Variants in PRKCE observed in about 807,000 individuals in gnomAD.
The protein encoded by PRKCE is protein kinase C epsilon type.
PRKCE carries 16 observed loss-of-function variants against 85.4 expected under a neutral mutation model. The observed-to-expected ratio is 0.19, with a 90% CI of 0.13 to 0.28. The LOEUF (loss-of-function observed/expected upper bound fraction) is 0.28, where lower values mean the gene tolerates loss of function less well. PRKCE is among the 10% of genes least tolerant of loss of function. The pLI is 1.00. For missense variants in PRKCE, 573 were observed against 975.2 expected (o/e 0.59, Z 5.49); for synonymous variants, 388 against 371.5 (o/e 1.04, Z -0.51).
intron 2 of PRKCE, among the ~76,000 whole-genome samples, chr2:45,884,952 T>C (rs1171489681): frequency 3.2e-5 from 3 of 93,780 alleles, no homozygotes; most frequent in African/African-American, 4.3e-5. Flanking sequence ...TTATATGTGA[T>C]CCATATATAT....
At chr2:45,659,154 A>G (rs1370032156) in intron 1 of PRKCE, among the ~76,000 whole-genome samples, 2 of 152,166 alleles carry the variant, frequency 1.3e-5, no homozygotes, top group Non-Finnish European at 2.9e-5. Flanking sequence ...TTCATTGTGT[A>G]AAGGGCATCT....
chr2:46,112,711 G>A (rs377360397), intron 11 of PRKCE, among the ~76,000 whole-genome samples: 123 of 152,020 alleles, frequency 8.1e-4, no homozygotes, highest in African/African-American at 2.9e-3. Flanking sequence ...GTAGAGACAG[G>A]GTTTCACCAT....
chr2:45,973,155 G>A (rs930406753), intron 2 of PRKCE, among the ~76,000 whole-genome samples: 1 of 152,234 alleles, frequency 6.6e-6, no homozygotes, highest in African/African-American at 2.4e-5. Context: ...GGGAAATGCT[G>A]AAGGGATCCG....
At chr2:45,835,111 A>T (rs553909826) in intron 1 of PRKCE, among the ~76,000 whole-genome samples, 2 of 152,380 alleles carry the variant, frequency 1.3e-5, no homozygotes, top group East Asian at 3.9e-4. Flanking sequence ...GTTGTTTCAC[A>T]GATGTGCTGT....
chr2:45,965,875 C>A (rs1701697215), intron 2 of PRKCE, among the ~76,000 whole-genome samples: 1 of 152,022 alleles, frequency 6.6e-6, no homozygotes, highest in Non-Finnish European at 1.5e-5. Flanking sequence ...GTGGGCTTAG[C>A]ATAGCTGCTT....
At chr2:45,942,296 T>G (rs1340694389) in intron 2 of PRKCE, among the ~76,000 whole-genome samples, 1 of 152,150 alleles carries the variant, frequency 6.6e-6, no homozygotes, top group Non-Finnish European at 1.5e-5. Context: ...CTTATCTGGG[T>G]GCACCCTGAA....
At chr2:46,002,672 T>A (rs1381762994) in intron 7 of PRKCE, among the ~76,000 whole-genome samples, 1 of 152,240 alleles carries the variant, frequency 6.6e-6, no homozygotes, top group Non-Finnish European at 1.5e-5. Flanking sequence ...GTGGCTCTTC[T>A]CAGCTTTGTA....
intron 10 of PRKCE, among the ~76,000 whole-genome samples, chr2:46,081,649 G>A (rs762094818): frequency 7.2e-5 from 11 of 152,200 alleles, no homozygotes; most frequent in African/African-American, 2.4e-4. Context: ...AGAAGAAAAC[G>A]TTCCAGGCAG....
chr2:45,857,526 G>T (rs1692774017), intron 2 of PRKCE, among the ~76,000 whole-genome samples: 1 of 152,114 alleles, frequency 6.6e-6, no homozygotes, highest in East Asian at 1.9e-4. Flanking sequence ...TCATCACAAG[G>T]GCCAACATTT....
At chr2:46,012,263 T>C (rs563351369) in intron 10 of PRKCE, among the ~76,000 whole-genome samples, 1 of 152,316 alleles carries the variant, frequency 6.6e-6, no homozygotes, top group South Asian at 2.1e-4. Flanking sequence ...AAAGTCACCT[T>C]ATCTTTCTTT....
intron 1 of PRKCE, among the ~76,000 whole-genome samples, chr2:45,710,932 C>T (rs996882915): frequency 2.6e-5 from 4 of 152,178 alleles, no homozygotes; most frequent in African/African-American, 7.2e-5. Flanking sequence ...TGCCTTCTCT[C>T]GCTTAACATG....
chr2:46,015,524 G>C (rs1029584542), intron 10 of PRKCE, among the ~76,000 whole-genome samples: 3 of 152,142 alleles, frequency 2.0e-5, no homozygotes, highest in South Asian at 4.2e-4. Flanking sequence ...GCTGCCCTAG[G>C]GAAAATGCAG....
intron 1 of PRKCE, among the ~76,000 whole-genome samples, chr2:45,789,646 G>A (rs1038518142): frequency 6.6e-6 from 1 of 152,148 alleles, no homozygotes; most frequent in African/African-American, 2.4e-5. Flanking sequence ...GGGGGAAAGG[G>A]GGGAAAGACA....
chr2:45,736,161 A>G (rs1433256247), intron 1 of PRKCE, among the ~76,000 whole-genome samples: 1 of 152,098 alleles, frequency 6.6e-6, no homozygotes, highest in Non-Finnish European at 1.5e-5. Flanking sequence ...GGTTTTCACC[A>G]TGTTGGCTGG....
chr2:46,003,668 C>T (rs561755134), intron 7 of PRKCE, among the ~76,000 whole-genome samples: 1 of 152,178 alleles, frequency 6.6e-6, no homozygotes, highest in African/African-American at 2.4e-5. Context: ...AGACAAGTGT[C>T]ACATTGCTTT....
chr2:45,953,305 C>G (rs1269102001), intron 2 of PRKCE, among the ~76,000 whole-genome samples: 1 of 152,178 alleles, frequency 6.6e-6, no homozygotes, highest in African/African-American at 2.4e-5. Context: ...GAGAAATGAC[C>G]TACCCACGGG....
intron 10 of PRKCE, among the ~76,000 whole-genome samples, chr2:46,034,406 G>A (rs1194882949): frequency 6.6e-6 from 1 of 152,188 alleles, no homozygotes; most frequent in Non-Finnish European, 1.5e-5. Flanking sequence ...CGTAAGGAGG[G>A]GGCTGTGTGC....
intron 2 of PRKCE, among the ~76,000 whole-genome samples, chr2:45,854,330 C>T (rs1194749776): frequency 1.3e-5 from 2 of 152,156 alleles, no homozygotes; most frequent in African/African-American, 4.8e-5. Flanking sequence ...GACCTAGAGA[C>T]AGATCACCAA....
At chr2:45,791,625 A>C (rs77160209) in intron 1 of PRKCE, among the ~76,000 whole-genome samples, 4 of 152,232 alleles carry the variant, frequency 2.6e-5, no homozygotes, top group Non-Finnish European at 4.4e-5. Flanking sequence ...GAATACCTGC[A>C]GAATTAAATT....
Sources: allele counts gnomAD v4.1 joint callset (sites outside exome capture counted in the v4.1 genomes callset), GRCh38; gene constraint gnomAD v4.1.1; transcripts MANE v1.5; gene names NCBI Gene and HGNC (gene_info 2026-07-23, HGNC 2026-07-21).